Variants in MAN2A1 observed in about 807,000 individuals in gnomAD.
MAN2A1 encodes alpha-mannosidase 2.
Under a neutral mutation model 142.6 loss-of-function variants are expected in MAN2A1, and 76 were observed. The observed-to-expected ratio is 0.53, with a 90% CI of 0.44 to 0.65. The LOEUF is 0.65. Ranked by LOEUF, MAN2A1 falls within the 30% of genes least tolerant of loss-of-function variation. The pLI, the probability that MAN2A1 is intolerant of heterozygous loss-of-function variation, is 0.00. For synonymous variants in MAN2A1, 559 were observed against 473.2 expected (o/e 1.18, Z -2.35); for missense variants, 1,311 against 1,365.1 (o/e 0.96, Z 0.62).
chr5:109,832,480 A>G (rs893438862), intron 16 of MAN2A1, among the ~76,000 whole-genome samples: 6 of 152,134 alleles, frequency 3.9e-5, no homozygotes, highest in Non-Finnish European at 8.8e-5. Flanking sequence ...TCAGAGAGCA[A>G]GGGGTTGGGG....
In MAN2A1 at chr5:109,716,170, T is replaced by C. The variant is rs1427988994; in HGVS notation, c.441T>C (p.Val147=). The C allele has an allele frequency of 1.8e-5, 29 of 1,612,790 alleles. No homozygotes were observed. The highest frequency in any genetic ancestry group is 2.4e-5 in the Non-Finnish European group (28 of 1,179,014). ...LISFDNPDGG[V]WKQGFDITYE... Reference sequence around the variant, plus strand: ...CTTTTGACAATCCAGATGGTGGAGTTTGGAAGCAAGGATTTGACATTACTT... The same window carrying C: ...CTTTTGACAATCCAGATGGTGGAGTCTGGAAGCAAGGATTTGACATTACTT... Residue 147 remains valine (V), a synonymous_variant, in exon 3 of 22, where the codon GTT becomes GTC. Transcript: ENST00000261483.
chr5:109,861,921 G>A (rs1187712363), intron 20 of MAN2A1, among the ~76,000 whole-genome samples: 2 of 152,190 alleles, frequency 1.3e-5, no homozygotes, highest in Non-Finnish European at 2.9e-5. Context: ...TGCTATTTGA[G>A]TATAAGAGAG....
Position 109,713,757 on chromosome 5 carries a change from C to T in MAN2A1, c.373C>T (p.His125Tyr). Residue 125 changes from histidine to tyrosine, a missense_variant, in exon 2 of 22, where the codon CAC becomes TAC. By Grantham distance (83) the His-to-Tyr change is moderately conservative. This residue lies in a region of MAN2A1 where 409 missense variants were observed against 412.7 expected (regional missense o/e 0.99). Coordinates refer to ENST00000261483, the MANE Select transcript of MAN2A1 (RefSeq NM_002372.4). Reference sequence around the variant, plus strand: ...TCTGTTTGCTTCACAAAGTGGAAGTCACAATTCAGATGTGCAGGTAATGTA... The same window carrying T: ...TCTGTTTGCTTCACAAAGTGGAAGTTACAATTCAGATGTGCAGGTAATGTA... ...DCLFASQSGS[H>Y]NSDVQMLDVY... The T allele has an allele frequency of 6.2e-7, 1 of 1,613,476 alleles. No individual in the cohort carries two copies. The highest frequency in any genetic ancestry group is 1.7e-4 in the Middle Eastern group (1 of 6,054).
At chr5:109,752,762 C>G (rs1752581783) in intron 4 of MAN2A1, among the ~76,000 whole-genome samples, 1 of 152,120 alleles carries the variant, frequency 6.6e-6, no homozygotes, top group Non-Finnish European at 1.5e-5. Context: ...CATGCCTCCT[C>G]AAAATTAATA....
intron 8 of MAN2A1, among the ~76,000 whole-genome samples, chr5:109,777,887 C>T (rs34595717): frequency 0.17 from 26,313 of 152,078 alleles, 3,272 homozygotes; most frequent in East Asian, 0.64. Context: ...GGGTCTGTGT[C>T]TACACTCTCT....
intron 4 of MAN2A1, among the ~76,000 whole-genome samples, chr5:109,735,878 G>GTTTTTTTTTT (rs35796131): frequency 1.0e-5 from 1 of 98,404 alleles, no homozygotes; most frequent in African/African-American, 4.2e-5. Context: ...TTCCATTGGA[G>GTTTTTTTTTT]TTTTTTTTTT....
At chr5:109,704,623 A>G (rs948804391) in intron 1 of MAN2A1, among the ~76,000 whole-genome samples, 1 of 152,128 alleles carries the variant, frequency 6.6e-6, no homozygotes, top group Non-Finnish European at 1.5e-5. Context: ...CTGTCATTTT[A>G]TCAAGCCCAA....
At position 109,693,572 on chromosome 5, in the gene MAN2A1, C is replaced by T. The variant is rs6881801; in HGVS notation, c.135+3020C>T. 5.5e-3 allele frequency among the ~76,000 whole-genome samples: 831 copies of T among 152,086 alleles called. 13 individuals are homozygous for T. Among genetic ancestry groups the T allele is most frequent in the African/African-American group, 0.018 (743 of 41,478 alleles). On this transcript the variant is annotated intron_variant, in intron 1 of 21. Transcript: ENST00000261483. The stretch of plus-strand genomic sequence containing the variant: ...AAGACCATCCTAGATTGAGAGCAAT[C>T]TATTTGTTGTTTTTTTGGAGAGCGG...
chr5:109,690,323 G>A lies in MAN2A1; in HGVS notation c.-95G>A, dbSNP rs1008212320. 2.9e-6 allele frequency: 4 copies of A among 1,380,700 alleles called. No homozygotes were observed. In the African/African-American group the frequency reaches 5.7e-5, roughly 20 times the overall value. The allele number at this position is 1,380,700 out of a possible 1,614,324, so 85.5% of individuals were successfully genotyped here. ...AGAGCGCGGAGGTCGCGCAGCCCGG[G>A]AGAAGGGAGCCTCCGGCGGCTGCTT... On this transcript the variant is annotated 5_prime_UTR_variant, in exon 1 of 22. Coordinates refer to ENST00000261483, the MANE Select transcript of MAN2A1 (RefSeq NM_002372.4).
At chr5:109,814,916 A>T (rs1754413016) in intron 12 of MAN2A1, among the ~76,000 whole-genome samples, 1 of 152,156 alleles carries the variant, frequency 6.6e-6, no homozygotes, top group South Asian at 2.1e-4. Flanking sequence ...GCCAGTAGGG[A>T]TTCTAGGCTT....
chr5:109,745,157 G>A (rs1187825417), intron 4 of MAN2A1, among the ~76,000 whole-genome samples: 4 of 152,008 alleles, frequency 2.6e-5, no homozygotes, highest in African/African-American at 9.7e-5. Flanking sequence ...CTGAATTGGT[G>A]GAAGTAGTCT....
At chr5:109,856,602 G>A (rs1755610379) in intron 20 of MAN2A1, among the ~76,000 whole-genome samples, 1 of 152,190 alleles carries the variant, frequency 6.6e-6, no homozygotes, top group African/African-American at 2.4e-5. Flanking sequence ...CCATCAAGCA[G>A]GCAGAAGAAG....
chr5:109,787,044 C>T (rs1193821302), intron 10 of MAN2A1, among the ~76,000 whole-genome samples: 1 of 151,724 alleles, frequency 6.6e-6, no homozygotes, highest in Non-Finnish European at 1.5e-5. Context: ...TACATCATGG[C>T]ATATTTGGAG....
Position 109,789,068 on chromosome 5 carries a change from G to A in MAN2A1, c.1875+20G>A, listed in dbSNP as rs202229152. 1,959 of 1,249,312 alleles carry A rather than the reference G, an allele frequency of 1.6e-3. 4 individuals carry two copies. The highest frequency in any genetic ancestry group is 2.1e-3 in the Non-Finnish European group (1,829 of 867,196). The allele number at this position is 1,249,312 out of a possible 1,614,324, so 77.4% of individuals were successfully genotyped here. ...GAGATGGTTAGTAATTTCATCTATG[G>A]TCATCATAAAAATGTGTAATTCCAT... On this transcript the variant is annotated intron_variant, in intron 11 of 21. Coordinates refer to ENST00000261483, the MANE Select transcript of MAN2A1 (RefSeq NM_002372.4).
At chr5:109,704,741 G>C (rs1751082585) in intron 1 of MAN2A1, among the ~76,000 whole-genome samples, 1 of 152,204 alleles carries the variant, frequency 6.6e-6, no homozygotes, top group South Asian at 2.1e-4. Flanking sequence ...TGACACCCCT[G>C]CTGGAAATAC....
At chr5:109,690,741 A>G (rs551292297) in intron 1 of MAN2A1, among the ~76,000 whole-genome samples, 189 bp downstream of exon 1, 210 of 152,126 alleles carry the variant, frequency 1.4e-3, no homozygotes, top group African/African-American at 4.9e-3. Context: ...GCGCCAAGTT[A>G]ACAAAGTGCT....
At chr5:109,863,938 T>C (rs1392607780) in intron 20 of MAN2A1, 2 of 152,216 alleles carry the variant, frequency 1.3e-5, no homozygotes, top group Non-Finnish European at 2.9e-5. Flanking sequence ...GTGTGAAACA[T>C]CATAACATAG....
intron 1 of MAN2A1, among the ~76,000 whole-genome samples, chr5:109,697,022 T>C (rs1474260791): frequency 6.6e-6 from 1 of 152,232 alleles, no homozygotes; most frequent in African/African-American, 2.4e-5. Context: ...ATTGGACGTG[T>C]GTATTCTGAG....
chr5:109,846,911 G>C (rs1755357887), intron 18 of MAN2A1, among the ~76,000 whole-genome samples: 1 of 152,160 alleles, frequency 6.6e-6, no homozygotes, highest in Non-Finnish European at 1.5e-5. Context: ...CAGTAGGGAG[G>C]GTTAGAGACT....
Sources: allele counts gnomAD v4.1 joint callset (sites outside exome capture counted in the v4.1 genomes callset), GRCh38; gene constraint gnomAD v4.1.1; regional missense constraint gnomAD v4.1.1; transcripts MANE v1.5; gene names NCBI Gene and HGNC (gene_info 2026-07-23, HGNC 2026-07-21).